Variants in FYB2 observed in about 807,000 individuals in gnomAD.
The protein encoded by FYB2 is FYN binding protein 2, also known as FYN-binding protein 2.
In FYB2, 103 loss-of-function variants were observed where a neutral mutation model predicts 94.1. The ratio of observed to expected loss-of-function variants is 1.09; its 90% CI spans 0.93 to 1.29. The LOEUF is 1.29. Among genes scored for constraint, FYB2 ranks in the 50% most tolerant of loss-of-function variants. The pLI is 0.00. For missense variants in FYB2, 896 were observed against 841.5 expected, an observed-to-expected ratio of 1.06 and a Z score of -0.80; for synonymous variants, 293 against 287.9, an observed-to-expected ratio of 1.02 and a Z score of -0.18.
rs191334587 is a variant in FYB2 at position 56,803,960 on chromosome 1, C to T, written c.10-11157G>A. 2.0e-5 allele frequency among the ~76,000 whole-genome samples: 3 copies of T among 152,300 alleles called. No individual in the cohort carries two copies. The East Asian group carries it at 5.8e-4, about 29-fold the overall frequency. On this transcript the variant is annotated intron_variant, in intron 1 of 19. Transcript: ENST00000343433. ...TTCTGGCAATTGTTCTTAATCCTGG[C>T]TGTGCATGGGAATATCCTGGGGACT...
chr1:56,767,303 G>C (rs995685242), intron 5 of FYB2, among the ~76,000 whole-genome samples: 4 of 152,112 alleles, frequency 2.6e-5, no homozygotes, highest in Non-Finnish European at 5.9e-5. Flanking sequence ...AAAATGTCCC[G>C]AGCATTGTCA....
At chr1:56,795,041 A>G (rs1410621532) in intron 1 of FYB2, among the ~76,000 whole-genome samples, 1 of 151,352 alleles carries the variant, frequency 6.6e-6, no homozygotes, top group Non-Finnish European at 1.5e-5. Context: ...GATCTTAACC[A>G]TCTCTAAGTG....
At chr1:56,808,070 G>T (rs1389619498) in intron 1 of FYB2, among the ~76,000 whole-genome samples, 1 of 152,124 alleles carries the variant, frequency 6.6e-6, no homozygotes, top group African/African-American at 2.4e-5. Flanking sequence ...TAACAATGAG[G>T]TCAGATTCCA....
chr1:56,731,185 C>T (rs539900363), intron 15 of FYB2, among the ~76,000 whole-genome samples: 81 of 152,208 alleles, frequency 5.3e-4, no homozygotes, highest in Middle Eastern at 3.4e-3. Context: ...CCCCTGGGCT[C>T]ACTTGGTGAG....
At chr1:56,723,325 G>A (rs577518274) in intron 17 of FYB2, among the ~76,000 whole-genome samples, 8 of 152,074 alleles carry the variant, frequency 5.3e-5, no homozygotes, top group Admixed American at 3.3e-4. Flanking sequence ...TAACCTGGAC[G>A]AGTTAGGGAG....
intron 5 of FYB2, among the ~76,000 whole-genome samples, chr1:56,765,091 A>T (rs1298177145): frequency 6.6e-6 from 1 of 152,230 alleles, no homozygotes; most frequent in Non-Finnish European, 1.5e-5. Context: ...GTGAGAAAAC[A>T]GCACCTCATC....
chr1:56,750,049 G>A (rs1040418227), intron 9 of FYB2, among the ~76,000 whole-genome samples: 4 of 151,868 alleles, frequency 2.6e-5, no homozygotes, highest in Non-Finnish European at 5.9e-5. Flanking sequence ...TTTCTCCTGT[G>A]TGCTCGATAC....
In FYB2 at chr1:56,719,031, C is replaced by T. The variant is rs1477114081; in HGVS notation, c.*640G>A. The T allele has an allele frequency of 6.6e-6, 1 of 152,326 alleles. No homozygotes were observed. The highest frequency in any genetic ancestry group is 1.5e-5 in the Non-Finnish European group (1 of 67,978). The allele number at this position is 152,326 out of a possible 1,614,324, so 9.4% of individuals were successfully genotyped here. On this transcript the variant is annotated 3_prime_UTR_variant, in exon 20 of 20. Transcript: ENST00000343433. ...AGCATATATATTATTTTGTTAAATA[C>T]ATTTGGGCACTTCTTAAAATGATGG...
At chr1:56,729,071 G>A (rs1644646237) in intron 15 of FYB2, among the ~76,000 whole-genome samples, 1 of 152,146 alleles carries the variant, frequency 6.6e-6, no homozygotes, top group South Asian at 2.1e-4. Flanking sequence ...GGAAGAACAG[G>A]CGAGGCTAAG....
chr1:56,790,124 T>C lies in FYB2; in HGVS notation c.758-990A>G, dbSNP rs2100959637. Among the ~76,000 whole-genome samples the C allele has an allele frequency of 2.0e-5, 3 of 152,316 alleles. No homozygotes were observed. The Middle Eastern group carries it at 0.01, about 522-fold the overall frequency. ...CAAAATCTTATGTAATCCAACTGCT[T>C]TGATTTTTCATTTATGTAAGACAGT... On this transcript the variant is annotated intron_variant, in intron 2 of 19. Coordinates refer to ENST00000343433, the MANE Select transcript of FYB2 (RefSeq NM_001004303.5).
chr1:56,726,868 A>G (rs1044724005), intron 15 of FYB2, among the ~76,000 whole-genome samples: 31 of 152,052 alleles, frequency 2.0e-4, no homozygotes, highest in Non-Finnish European at 1.5e-5. Context: ...GATGTGTGGT[A>G]ATCCAAATTT....
In FYB2 at chr1:56,745,908, A is replaced by G. The variant is rs528207795; in HGVS notation, c.1388-1642T>C. ...GCAGCTCCTCCAACATATCTGGCCA[A>G]CTTCTGCCTCAGGGATTTGCACTTT... On this transcript the variant is annotated intron_variant, in intron 9 of 19. Transcript: ENST00000343433. Among the ~76,000 whole-genome samples, 298 of 152,056 alleles carry G rather than the reference A, an allele frequency of 2.0e-3. 1 individual carries two copies. Among genetic ancestry groups the G allele is most frequent in the African/African-American group, 6.6e-3 (272 of 41,522 alleles).
chr1:56,747,355 G>T (rs7415653), intron 9 of FYB2, among the ~76,000 whole-genome samples: 2 of 151,672 alleles, frequency 1.3e-5, no homozygotes, highest in African/African-American at 2.4e-5. Context: ...TCGTCATCTA[G>T]GTTTTAAGCC....
At position 56,792,647 on chromosome 1, in the gene FYB2, A is replaced by G. The variant is rs141407758; in HGVS notation, c.166T>C (p.Ser56Pro). The part of the protein sequence containing the change: ...TQILANGKPL[S>P]SNHKQRTPYC... ...GGTGTGCGCTGCTTGTGGTTGGATG[A>G]GAGGGGTTTCCCATTGGCCAAAATT... The change falls in exon 2 of 20, where the codon TCA becomes CCA. Residue 56 changes from serine to proline, a missense_variant. Ser to Pro is a moderately conservative substitution (Grantham distance 74). Transcript: ENST00000343433. 182 of 1,614,074 alleles carry G rather than the reference A, an allele frequency of 1.1e-4. 3 individuals are homozygous for G. In the African/African-American group the frequency reaches 2.2e-3, roughly 19 times the overall value.
Position 56,723,601 on chromosome 1 carries a change from CTAAA to C in FYB2, c.1957_1960del (p.Phe653GlufsTer32). 6.5e-7 allele frequency: 1 copy of C among 1,545,958 alleles called. No individual in the cohort carries two copies. The highest frequency in any genetic ancestry group is 1.4e-5 in the African/African-American group (1 of 72,862). On this transcript the variant is annotated frameshift_variant, in exon 17 of 20. Transcript: ENST00000343433. LOFTEE classifies it high-confidence loss of function. Reference sequence around the variant, plus strand: ...AAGAGAACGTACCTTAAACCTTTCTCTAAATAGTTTTTCTTCTCTTTTCATTCTG... The same window carrying C: ...AAGAGAACGTACCTTAAACCTTTCTCTAGTTTTTCTTCTCTTTTCATTCTG...
At position 56,738,084 on chromosome 1, in the gene FYB2, T is replaced by C. The variant is rs1003403206; in HGVS notation, c.1732+541A>G. Reference sequence around the variant, plus strand: ...TCTTTTATTGACAAATTCAATGTACTGAACGTGTATTGACAGCCTACTATG... The same window carrying C: ...TCTTTTATTGACAAATTCAATGTACCGAACGTGTATTGACAGCCTACTATG... On this transcript the variant is annotated intron_variant, in intron 14 of 19. Coordinates refer to ENST00000343433, the MANE Select transcript of FYB2 (RefSeq NM_001004303.5). Among the ~76,000 whole-genome samples, 12 of 152,114 alleles carry C rather than the reference T, an allele frequency of 7.9e-5. No homozygotes were observed. The South Asian group carries it at 1.7e-3, about 21-fold the overall frequency.
intron 1 of FYB2, among the ~76,000 whole-genome samples, chr1:56,811,633 G>T (rs1646769146): frequency 6.6e-6 from 1 of 152,182 alleles, no homozygotes; most frequent in African/African-American, 2.4e-5. Flanking sequence ...TCAAACAAGA[G>T]AAATGTATTG....
At chr1:56,749,425 T>C (rs1645144924) in intron 9 of FYB2, among the ~76,000 whole-genome samples, 1 of 152,128 alleles carries the variant, frequency 6.6e-6, no homozygotes, top group African/African-American at 2.4e-5. Context: ...TTTTGGATAA[T>C]TTCTTTAGAT....
Position 56,789,058 on chromosome 1 carries a change from A to G in FYB2, c.834T>C (p.Pro278=). ...PLPSIDSLGP[P]PPKPSRPPIV... is the part of the protein sequence containing the mutation. ...TGGGAGGTCTTGAAGGCTTTGGGGG[A>G]GGAGGACCCAGGGAGTCGATGGAGG... Residue 278 remains proline (P), a synonymous_variant, in exon 3 of 20, where the codon CCT becomes CCC. Coordinates refer to ENST00000343433, the MANE Select transcript of FYB2 (RefSeq NM_001004303.5). 1 of 1,613,786 alleles carries G rather than the reference A, an allele frequency of 6.2e-7. No homozygotes were observed. Among genetic ancestry groups the G allele is most frequent in the Non-Finnish European group, 8.5e-7 (1 of 1,179,852 alleles).
Sources: gnomAD v4.1 joint callset for allele counts (sites outside exome capture counted in the v4.1 genomes callset) on GRCh38, gnomAD v4.1.1 for gene constraint, MANE v1.5 for transcripts, NCBI Gene and HGNC (gene_info 2026-07-23, HGNC 2026-07-21) for gene names.